The following KCNK2 variants were observed in gnomAD, a reference collection of about 807,000 sequenced individuals.
KCNK2 encodes the protein potassium channel subfamily K member 2.
KCNK2 carries 21 observed loss-of-function variants against 40.5 expected under a neutral mutation model. That is an observed-to-expected ratio of 0.52 (90% CI 0.37 to 0.75). The LOEUF is 0.75. Ranked by LOEUF, KCNK2 falls within the 30% of genes least tolerant of loss-of-function variation. The probability of loss-of-function intolerance (pLI) is 0.00; values close to 1 mark genes in which losing one functional copy is unlikely to be tolerated. For synonymous variants in KCNK2, 191 were observed against 202.2 expected (o/e 0.94, Z 0.47); for missense variants, 399 against 531.6 (o/e 0.75, Z 2.45).
At chr1:215,031,009 T>C (rs1423435018) in intron 1 of KCNK2, among the ~76,000 whole-genome samples, 7 of 152,190 alleles carry the variant, frequency 4.6e-5, no homozygotes, top group Non-Finnish European at 1.0e-4. Context: ...CCTTTTTTTC[T>C]CCATTGTATT....
chr1:215,169,393 AT>A lies in KCNK2; in HGVS notation c.636+36del, dbSNP rs1417654096. 6 of 1,497,252 alleles carry A rather than the reference AT, an allele frequency of 4.0e-6. No homozygotes were observed. The African/African-American group carries it at 7.1e-5, about 18-fold the overall frequency. 92.7% of individuals were successfully genotyped at this position (1,497,252 alleles called of 1,614,324 possible). The stretch of plus-strand genomic sequence containing the variant: ...GATAGATATTTAACTACGTATATTT[AT>A]TGTTTGATTTTTTTAAAAAATTATA... On this transcript the variant is annotated intron_variant, in intron 4 of 6. Transcript: ENST00000444842.
At chr1:215,095,469 G>C (rs1045566360) in intron 2 of KCNK2, among the ~76,000 whole-genome samples, 1 of 152,020 alleles carries the variant, frequency 6.6e-6, no homozygotes, top group African/African-American at 2.4e-5. Context: ...CATGATCACC[G>C]TTTTACAGAT....
At chr1:215,174,056 C>T (rs1238824341) in intron 5 of KCNK2, among the ~76,000 whole-genome samples, 1 of 152,182 alleles carries the variant, frequency 6.6e-6, no homozygotes, top group African/African-American at 2.4e-5. Flanking sequence ...ATGCCTATGT[C>T]CTGAACGGTA....
intron 3 of KCNK2, among the ~76,000 whole-genome samples, chr1:215,157,510 C>T (rs1356098234): frequency 6.6e-6 from 1 of 152,202 alleles, no homozygotes; most frequent in Non-Finnish European, 1.5e-5. Flanking sequence ...GACTGCCATT[C>T]CTTCCACTCT....
chr1:215,077,972 C>T (rs1024866458), upstream of KCNK2, among the ~76,000 whole-genome samples: 4 of 152,134 alleles, frequency 2.6e-5, no homozygotes, highest in African/African-American at 9.7e-5. Context: ...CATACCTGTG[C>T]AATTGTGTTG....
At chr1:215,099,787 C>A (rs1020761146) in intron 2 of KCNK2, among the ~76,000 whole-genome samples, 2 of 151,980 alleles carry the variant, frequency 1.3e-5, no homozygotes, top group African/African-American at 4.8e-5. Context: ...TAAAGTTCCT[C>A]TTCCACAATT....
chr1:215,125,361 G>T (rs1379975172), intron 3 of KCNK2, among the ~76,000 whole-genome samples: 2 of 152,090 alleles, frequency 1.3e-5, no homozygotes, highest in Non-Finnish European at 2.9e-5. Flanking sequence ...TGTTGAAAGG[G>T]TTGCATAATG....
At chr1:215,234,559 TA>T (rs5780827) in intron 6 of KCNK2, among the ~76,000 whole-genome samples, 77,389 of 151,904 alleles carry the variant, frequency 0.51, 21,136 homozygotes, top group East Asian at 0.61. Flanking sequence ...GATTCATGTA[TA>T]AAAAACAAGC....
At chr1:215,074,793 G>A (rs962538462) in intron 1 of KCNK2, among the ~76,000 whole-genome samples, 1 of 152,220 alleles carries the variant, frequency 6.6e-6, no homozygotes, top group South Asian at 2.1e-4. Flanking sequence ...GGTAAGAAAC[G>A]TTGAAGTCTA....
At chr1:215,232,360 CCT>C (rs1666700821) in intron 6 of KCNK2, among the ~76,000 whole-genome samples, 2 of 152,076 alleles carry the variant, frequency 1.3e-5, no homozygotes. Flanking sequence ...TACTATAAGA[CCT>C]TTTTTTGCAA....
intron 1 of KCNK2, among the ~76,000 whole-genome samples, chr1:215,064,395 TA>T (rs1571879175): frequency 6.6e-6 from 1 of 152,168 alleles, no homozygotes; most frequent in East Asian, 1.9e-4. Context: ...CAAAAAAATT[TA>T]AACAACTGGA....
rs183242646 is a variant in KCNK2 at position 215,032,863 on chromosome 1, C to G, written c.34+26908C>G. 6.6e-5 allele frequency among the ~76,000 whole-genome samples: 10 copies of G among 151,984 alleles called. 1 individual carries two copies. Among genetic ancestry groups the G allele is most frequent in the African/African-American group, 2.4e-4 (10 of 41,486 alleles). ...AAATAATATGCCTAGGTGTAGGTTT[C>G]TTTGACATTTATCTTGAATGGTGTT... On this transcript the variant is annotated intron_variant, in intron 1 of 6. Transcript: ENST00000391895.
chr1:215,135,212 A>G (rs762718139), intron 3 of KCNK2, among the ~76,000 whole-genome samples: 13 of 152,108 alleles, frequency 8.5e-5, no homozygotes, highest in Non-Finnish European at 1.5e-4. Flanking sequence ...GGAACATCAG[A>G]TTTCACTTCA....
intron 6 of KCNK2, among the ~76,000 whole-genome samples, chr1:215,231,928 C>T (rs1327722690): frequency 6.6e-6 from 1 of 152,150 alleles, no homozygotes; most frequent in Non-Finnish European, 1.5e-5. Flanking sequence ...GACTAATTCA[C>T]TATCATGAGA....
chr1:215,105,033 A>G (rs189158751), intron 2 of KCNK2, among the ~76,000 whole-genome samples: 6 of 152,022 alleles, frequency 3.9e-5, no homozygotes, highest in African/African-American at 1.4e-4. Flanking sequence ...CTGTTCTGTT[A>G]TATCAGGCAC....
intron 1 of KCNK2, among the ~76,000 whole-genome samples, chr1:215,051,334 A>G (rs979268580): frequency 6.6e-6 from 1 of 152,224 alleles, no homozygotes; most frequent in African/African-American, 2.4e-5. Context: ...TATTAGCAGG[A>G]ACAAGGAAAA....
At chr1:215,103,622 A>G (rs546465478) in intron 2 of KCNK2, among the ~76,000 whole-genome samples, 6 of 152,162 alleles carry the variant, frequency 3.9e-5, no homozygotes, top group African/African-American at 1.4e-4. Context: ...CTAAAAATCT[A>G]TTTCATGAGG....
In KCNK2 at chr1:215,235,336, T is replaced by A. The variant is rs1666838165; in HGVS notation, c.*191T>A. Reference sequence around the variant, plus strand: ...CCAGCACTTTCTTTCTGATGATGCTTGTTGAACGGTCCACTTTCTTTGATG... The same window carrying A: ...CCAGCACTTTCTTTCTGATGATGCTAGTTGAACGGTCCACTTTCTTTGATG... On this transcript the variant is annotated 3_prime_UTR_variant, in exon 7 of 7. Transcript: ENST00000444842. The A allele has an allele frequency of 3.7e-6, 2 of 538,370 alleles. No individual in the cohort carries two copies. The highest frequency in any genetic ancestry group is 3.8e-5 in the African/African-American group (2 of 53,290). 33.3% of individuals were successfully genotyped at this position (538,370 alleles called of 1,614,324 possible). A position where few individuals can be genotyped will look rare whatever the true frequency, so the allele number is the denominator to read the frequency against.
At chr1:215,046,345 T>C (rs889325231) in intron 1 of KCNK2, among the ~76,000 whole-genome samples, 2 of 152,146 alleles carry the variant, frequency 1.3e-5, no homozygotes, top group African/African-American at 4.8e-5. Context: ...TATTCATGAA[T>C]TTTGGTTTTC....
Sources: allele counts gnomAD v4.1 joint callset (sites outside exome capture counted in the v4.1 genomes callset), GRCh38; gene constraint gnomAD v4.1.1; transcripts MANE v1.5; gene names NCBI Gene and HGNC (gene_info 2026-07-23, HGNC 2026-07-21).